Variants in TIMMDC1 observed in about 807,000 individuals in gnomAD.
The protein encoded by TIMMDC1 is translocase of inner mitochondrial membrane domain containing 1.
A neutral mutation model predicts 32.6 loss-of-function variants in TIMMDC1; 25 were observed. The ratio of observed to expected loss-of-function variants is 0.77; its 90% confidence interval spans 0.56 to 1.07. The LOEUF (loss-of-function observed/expected upper bound fraction) is 1.07. TIMMDC1 is among the 50% of genes least tolerant of loss of function. The probability of loss-of-function intolerance (pLI) is 0.00; values close to 1 mark genes in which losing one functional copy is unlikely to be tolerated. For missense variants in TIMMDC1, 329 were observed against 349.2 expected (o/e 0.94, Z 0.46); for synonymous variants, 130 against 127.6 (o/e 1.02, Z -0.13).
intron 4 of TIMMDC1, among the ~76,000 whole-genome samples, chr3:119,506,436 A>C (rs2081919200): frequency 6.6e-6 from 1 of 151,906 alleles, no homozygotes; most frequent in African/African-American, 2.4e-5. Context: ...GGAGGATGGC[A>C]TGAGCCCAGG....
intron 6 of TIMMDC1, among the ~76,000 whole-genome samples, chr3:119,518,633 T>A (rs1040658376): frequency 5.9e-5 from 9 of 152,120 alleles, no homozygotes; most frequent in African/African-American, 2.2e-4. Flanking sequence ...ATCAGTGATT[T>A]TGAGATGGAA....
chr3:119,505,634 T>C (rs1427460128), intron 4 of TIMMDC1, among the ~76,000 whole-genome samples: 1 of 152,236 alleles, frequency 6.6e-6, no homozygotes, highest in Non-Finnish European at 1.5e-5. Context: ...CTCAGAGTGC[T>C]GGGATTACAG....
At chr3:119,499,591 T>A (rs1354310860) in intron 1 of TIMMDC1, among the ~76,000 whole-genome samples, 1 of 151,882 alleles carries the variant, frequency 6.6e-6, no homozygotes, top group Non-Finnish European at 1.5e-5. Flanking sequence ...CTAATTTTTG[T>A]ATTTTTAGTA....
rs574571317 is a variant in TIMMDC1, at chr3:119,508,030, C to T, written c.517+4009C>T. On this transcript the variant is annotated intron_variant, in intron 4 of 6. Transcript: ENST00000494664. ...GGCTGGTTAATCTCTGACAAAACCC[C>T]AATAGTTTGGGCTGTGCAAAACCAT... Among the ~76,000 whole-genome samples the T allele has an allele frequency of 3.1e-4, 47 of 152,276 alleles. 2 individuals are homozygous for T. The South Asian group carries it at 9.7e-3, about 32-fold the overall frequency.
At chr3:119,512,439 C>T (rs183490844) in intron 4 of TIMMDC1, among the ~76,000 whole-genome samples, 47 of 152,098 alleles carry the variant, frequency 3.1e-4, no homozygotes, top group African/African-American at 1.0e-3. Context: ...CCGCCATGCC[C>T]GGCTAATTTT....
chr3:119,498,579 G>C lies in TIMMDC1; in HGVS notation c.-155G>C, dbSNP rs2081840804. 4.4e-6 allele frequency: 3 copies of C among 687,358 alleles called. No homozygotes were observed. 42.6% of individuals were successfully genotyped at this position (687,358 alleles called of 1,614,324 possible). On this transcript the variant is annotated 5_prime_UTR_variant, in exon 1 of 7. Transcript: ENST00000494664. ...TTCCAAGGACTCCAAAGCGAGGCCG[G>C]GGACTGAAGGTGTGGGTGTCGAGCC...
At chr3:119,505,093 A>G (rs2081909450) in intron 4 of TIMMDC1, among the ~76,000 whole-genome samples, 1 of 151,970 alleles carries the variant, frequency 6.6e-6, no homozygotes, top group African/African-American at 2.4e-5. Context: ...AAAAAAAAAA[A>G]AAAGTAGATT....
At chr3:119,521,274 G>GCCA (rs1334545332) in intron 6 of TIMMDC1, among the ~76,000 whole-genome samples, 1 of 152,166 alleles carries the variant, frequency 6.6e-6, no homozygotes, top group Non-Finnish European at 1.5e-5. Flanking sequence ...GGCATTGGAG[G>GCCA]CCAGGCACGG....
chr3:119,508,621 C>T (rs1238209598), intron 4 of TIMMDC1, among the ~76,000 whole-genome samples: 1 of 152,226 alleles, frequency 6.6e-6, no homozygotes, highest in Admixed American at 6.5e-5. Context: ...AAGTTTCAAC[C>T]ATGCAAGCTC....
intron 2 of TIMMDC1, among the ~76,000 whole-genome samples, chr3:119,501,846 AT>A (rs1343527503): frequency 1.3e-5 from 2 of 151,992 alleles, no homozygotes; most frequent in African/African-American, 4.8e-5. Flanking sequence ...TGGGTGATTT[AT>A]TTTGTAGAAT....
chr3:119,523,018 TGAG>T (rs2082039180), intron 6 of TIMMDC1, among the ~76,000 whole-genome samples: 1 of 152,206 alleles, frequency 6.6e-6, no homozygotes, highest in South Asian at 2.1e-4. Flanking sequence ...TGTGAAGAGT[TGAG>T]AAGAAACTTT....
intron 6 of TIMMDC1, among the ~76,000 whole-genome samples, chr3:119,518,207 C>G (rs1302371358): frequency 1.3e-5 from 2 of 151,990 alleles, no homozygotes; most frequent in Non-Finnish European, 2.9e-5. Context: ...TGCACAGATT[C>G]AATATGTAAG....
rs1432500390 is a variant in TIMMDC1 at position 119,513,678 on chromosome 3, G to T, written c.555G>T (p.Leu185=). ...TGSLFRINVG[L]RGLVAGGIIG... is the part of the protein sequence containing the mutation. ...GTCTTTTTAGGATAAACGTAGGCCT[G>T]CGTGGCCTGGTGGCTGGTGGCATAA... Residue 185 remains leucine, a synonymous_variant, in exon 5 of 7, where the codon CTG becomes CTT. Transcript: ENST00000494664. The T allele has an allele frequency of 2.5e-6, 4 of 1,610,452 alleles. No individual in the cohort carries two copies. The highest frequency in any genetic ancestry group is 1.1e-5 in the South Asian group (1 of 90,550).
At chr3:119,507,272 A>G (rs2081924434) in intron 4 of TIMMDC1, among the ~76,000 whole-genome samples, 4 of 151,988 alleles carry the variant, frequency 2.6e-5, no homozygotes, top group Admixed American at 2.0e-4. Context: ...ACCTTTTGTA[A>G]TTGTTTCACA....
intron 5 of TIMMDC1, among the ~76,000 whole-genome samples, chr3:119,515,894 G>A (rs1051185678): frequency 5.3e-5 from 8 of 152,120 alleles, no homozygotes; most frequent in Non-Finnish European, 8.8e-5. Flanking sequence ...TGCTACCTTC[G>A]TCCTCCACCT....
At chr3:119,522,835 TGA>T (rs1400870883) in intron 6 of TIMMDC1, among the ~76,000 whole-genome samples, 66 of 147,124 alleles carry the variant, frequency 4.5e-4, no homozygotes, top group Non-Finnish European at 8.5e-4. Flanking sequence ...TGTGTGTGTG[TGA>T]GATATTTCTA....
chr3:119,517,315 G>A lies in TIMMDC1; in HGVS notation c.707G>A (p.Trp236Ter), dbSNP rs754090765. The change falls in exon 6 of 7, where the codon TGG becomes TAG. Residue 236 changes from tryptophan to a stop codon, truncating the protein, a stop_gained and splice_region_variant. Transcript: ENST00000494664. LOFTEE classifies it high-confidence loss of function. ...KALHELKLEE[W>*]KGRLQVTEHL... ...CTCCATGAGCTAAAACTGGAAGAGT[G>A]GTAAGGAACATGTTGAGCCCAGGGA... The A allele has an allele frequency of 3.1e-6, 5 of 1,601,840 alleles. No homozygotes were observed. The African/African-American group carries it at 6.7e-5, about 21-fold the overall frequency.
chr3:119,519,539 A>G (rs931206211), intron 6 of TIMMDC1, among the ~76,000 whole-genome samples: 20 of 152,208 alleles, frequency 1.3e-4, no homozygotes, highest in African/African-American at 3.9e-4. Context: ...AAAGAGATCA[A>G]TTCAGCAAGA....
At chr3:119,507,232 C>T (rs2081924073) in intron 4 of TIMMDC1, among the ~76,000 whole-genome samples, 1 of 152,168 alleles carries the variant, frequency 6.6e-6, no homozygotes, top group African/African-American at 2.4e-5. Context: ...TTAGCTTTCT[C>T]TTCTCCTTCT....
Sources: allele counts gnomAD v4.1 joint callset (sites outside exome capture counted in the v4.1 genomes callset), GRCh38; gene constraint gnomAD v4.1.1; transcripts MANE v1.5; gene names NCBI Gene and HGNC (gene_info 2026-07-23, HGNC 2026-07-21).